Variants in AKAP6 observed in about 807,000 individuals in gnomAD.
AKAP6 encodes A-kinase anchor protein 6.
In AKAP6, 58 loss-of-function variants were observed where a neutral mutation model predicts 188.5. The ratio of observed to expected loss-of-function variants is 0.31; its 90% confidence interval spans 0.25 to 0.38. The LOEUF (loss-of-function observed/expected upper bound fraction) is 0.38. Ranked by LOEUF, AKAP6 falls within the 10% of genes least tolerant of loss-of-function variation. The pLI, the probability that AKAP6 is intolerant of heterozygous loss-of-function variation, is 1.00. For missense variants in AKAP6, 2,710 were observed against 2,740.0 expected (o/e 0.99, Z 0.24); for synonymous variants, 989 against 998.6 (o/e 0.99, Z 0.18).
At chr14:32,460,032 A>G (rs1891272999) in intron 2 of AKAP6, among the ~76,000 whole-genome samples, 1 of 152,232 alleles carries the variant, frequency 6.6e-6, no homozygotes, top group Non-Finnish European at 1.5e-5. Context: ...AAACCATACA[A>G]CACCATCAAT....
At chr14:32,571,147 A>C (rs1013138206) in intron 4 of AKAP6, among the ~76,000 whole-genome samples, 5 of 152,030 alleles carry the variant, frequency 3.3e-5, no homozygotes. Flanking sequence ...TCTGAGGGTT[A>C]TTTGTTTCAG....
intron 12 of AKAP6, among the ~76,000 whole-genome samples, chr14:32,780,095 C>T (rs1752155915): frequency 1.4e-5 from 2 of 145,748 alleles, no homozygotes; most frequent in Admixed American, 6.9e-5. Flanking sequence ...TTATCATAGC[C>T]AAGATATGGG....
chr14:32,803,302 AT>A (rs2034004096), intron 12 of AKAP6, among the ~76,000 whole-genome samples: 1 of 151,100 alleles, frequency 6.6e-6, no homozygotes, highest in Non-Finnish European at 1.5e-5. Flanking sequence ...CAAAACAAAT[AT>A]TTTTGATGCA....
At chr14:32,578,178 T>C (rs1884812781) in intron 5 of AKAP6, among the ~76,000 whole-genome samples, 1 of 152,110 alleles carries the variant, frequency 6.6e-6, no homozygotes, top group Non-Finnish European at 1.5e-5. Flanking sequence ...TCCAGAACTG[T>C]TGTTCTCTAT....
chr14:32,552,065 TTATC>T (rs1883498866), intron 4 of AKAP6, among the ~76,000 whole-genome samples: 1 of 152,204 alleles, frequency 6.6e-6, no homozygotes, highest in Non-Finnish European at 1.5e-5. Flanking sequence ...GCAGGAATAT[TTATC>T]TGTTTAGTTT....
intron 1 of AKAP6, among the ~76,000 whole-genome samples, chr14:32,431,857 A>G (rs1890237449): frequency 6.6e-6 from 1 of 152,196 alleles, no homozygotes; most frequent in African/African-American, 2.4e-5. Flanking sequence ...CTGAGAAATT[A>G]GGGAAAAGGA....
chr14:32,575,390 C>A (rs1188680113), intron 4 of AKAP6, among the ~76,000 whole-genome samples: 1 of 152,064 alleles, frequency 6.6e-6, no homozygotes, highest in Admixed American at 6.5e-5. Context: ...TTTCTGAAAC[C>A]TTCTCTGTTG....
At chr14:32,781,011 C>T (rs1018380631) in intron 12 of AKAP6, among the ~76,000 whole-genome samples, 3 of 151,800 alleles carry the variant, frequency 2.0e-5, no homozygotes, top group Admixed American at 6.6e-5. Flanking sequence ...TCTTAGTTTT[C>T]ACCTTATGAA....
intron 1 of AKAP6, among the ~76,000 whole-genome samples, chr14:32,366,851 C>G (rs1347967581): frequency 3.3e-5 from 5 of 152,070 alleles, no homozygotes; most frequent in African/African-American, 9.7e-5. Flanking sequence ...ACTTGTCCCC[C>G]TCAGAGAAAG....
intron 1 of AKAP6, among the ~76,000 whole-genome samples, chr14:32,336,203 A>G (rs1280309581): frequency 6.6e-6 from 1 of 151,588 alleles, no homozygotes; most frequent in Non-Finnish European, 1.5e-5. Context: ...CACTTGCTGC[A>G]CAGGAAAAAG....
At chr14:32,366,522 A>G (rs1887840721) in intron 1 of AKAP6, among the ~76,000 whole-genome samples, 1 of 152,166 alleles carries the variant, frequency 6.6e-6, no homozygotes, top group South Asian at 2.1e-4. Context: ...CTTCAGTCCA[A>G]GGTCTTTAGA....
chr14:32,551,540 C>T (rs1307680895), intron 4 of AKAP6, among the ~76,000 whole-genome samples: 1 of 145,762 alleles, frequency 6.9e-6, no homozygotes, highest in East Asian at 2.0e-4. Context: ...CCATGGCACT[C>T]CAGCCTGGGC....
At chr14:32,542,541 A>G (rs1265092071) in intron 3 of AKAP6, among the ~76,000 whole-genome samples, 2 of 152,226 alleles carry the variant, frequency 1.3e-5, no homozygotes, top group African/African-American at 4.8e-5. Flanking sequence ...TCTGACTTAC[A>G]TGTGGATCTG....
chr14:32,577,597 T>G (rs1884786278), intron 5 of AKAP6, among the ~76,000 whole-genome samples: 1 of 152,146 alleles, frequency 6.6e-6, no homozygotes, highest in South Asian at 2.1e-4. Context: ...CATTCTAAGC[T>G]TTCTAGAATT....
At chr14:32,620,588 G>C (rs1268672520) in intron 7 of AKAP6, among the ~76,000 whole-genome samples, 1 of 151,976 alleles carries the variant, frequency 6.6e-6, no homozygotes, top group Non-Finnish European at 1.5e-5. Flanking sequence ...GAGGATTTTT[G>C]CATCTATGTA....
chr14:32,433,662 C>T lies in AKAP6; in HGVS notation c.169C>T (p.Pro57Ser). ...TGACCAGCAGTATGAAAAGCCACCC[C>T]CACTACACACAGGGGCTGACTGGAA... ...DSDQQYEKPP[P>S]LHTGADWKIV... Residue 57 changes from proline to serine, a missense_variant, in exon 2 of 14, where the codon CCA becomes TCA. Pro to Ser is a moderately conservative substitution (Grantham distance 74, BLOSUM62 -1). Transcript: ENST00000280979. 6.2e-7 allele frequency: 1 copy of T among 1,614,120 alleles called. No homozygotes were observed.
At chr14:32,697,075 T>G (rs1890434712) in intron 9 of AKAP6, among the ~76,000 whole-genome samples, 2 of 152,206 alleles carry the variant, frequency 1.3e-5, no homozygotes, top group East Asian at 3.8e-4. Flanking sequence ...TTTAAAAATT[T>G]CTTATAGAAT....
chr14:32,535,937 C>T, intron 3 of AKAP6, 132 bp downstream of exon 3: 1 of 1,333,932 alleles, frequency 7.5e-7, no homozygotes, highest in Non-Finnish European at 1.0e-6. Context: ...TGAATCTAGG[C>T]ATAGTGACTA....
At chr14:32,779,267 T>C (rs1457802903) in intron 12 of AKAP6, among the ~76,000 whole-genome samples, 1 of 151,700 alleles carries the variant, frequency 6.6e-6, no homozygotes, top group Non-Finnish European at 1.5e-5. Context: ...CCAGGCATGG[T>C]GGCAGTGCAC....
Sources: gnomAD v4.1 joint callset for allele counts (sites outside exome capture counted in the v4.1 genomes callset) on GRCh38, gnomAD v4.1.1 for gene constraint, MANE v1.5 for transcripts, NCBI Gene and HGNC (gene_info 2026-07-23, HGNC 2026-07-21) for gene names.